INSM2: variants seen among roughly 807,000 people sequenced by gnomAD.
The protein encoded by INSM2 is insulinoma-associated protein 2.
INSM2 carries 12 observed loss-of-function variants against 30.5 expected under a neutral mutation model. The ratio of observed to expected loss-of-function variants is 0.39; its 90% confidence interval spans 0.25 to 0.64. The LOEUF is 0.64. INSM2 is among the 30% of genes least tolerant of loss of function. INSM2 has a pLI of 0.47. For missense variants in INSM2, 773 were observed against 819.2 expected (o/e 0.94, Z 0.69); for synonymous variants, 418 against 383.7 (o/e 1.09, Z -1.05).
chr14:35,535,337 C>G lies in INSM2; in HGVS notation c.1085C>G (p.Thr362Ser), dbSNP rs781036430. ...AAGGAGAACAGCCGAATAGAGCGGACTGCGGATCAGCACCCGCAGGCCAGG... is the reference window on the plus strand; with the variant it reads ...AAGGAGAACAGCCGAATAGAGCGGAGTGCGGATCAGCACCCGCAGGCCAGG... ...EGKENSRIER[T>S]ADQHPQARDS... is the part of the protein sequence containing the mutation. The change falls in exon 1 of 1, where the codon ACT (threonine) becomes AGT (serine). Residue 362 changes from threonine to serine, a missense_variant. Thr to Ser is a moderately conservative substitution (Grantham distance 58). Transcript: ENST00000307169. 105 of 1,610,522 alleles carry G rather than the reference C, an allele frequency of 6.5e-5. No homozygotes were observed. The highest frequency in any genetic ancestry group is 8.6e-5 in the Non-Finnish European group (101 of 1,178,358).
chr14:35,536,356 T>C lies in INSM2; in HGVS notation c.*403T>C. 1 of 182,712 alleles carries C rather than the reference T, an allele frequency of 5.5e-6. No individual in the cohort carries two copies. Among genetic ancestry groups the C allele is most frequent in the Non-Finnish European group, 1.3e-5 (1 of 79,260 alleles). The allele number at this position is 182,712 out of a possible 1,614,324, so 11.3% of individuals were successfully genotyped here. ...TACCCTTTGGTAGCCAATGTTTTTT[T>C]TGTCTTGTCATCACAGGCGCCTATA... On this transcript the variant is annotated 3_prime_UTR_variant, in exon 1 of 1. Coordinates refer to ENST00000307169, the MANE Select transcript of INSM2 (RefSeq NM_032594.4).
At position 35,535,494 on chromosome 14, in the gene INSM2, G is replaced by A; in HGVS notation, c.1242G>A (p.Pro414=). The part of the protein sequence containing the change: ...EGVLGRRVPV[P]GSTSGGRGSE... ...TGTTGGGGCGCCGGGTACCTGTGCC[G>A]GGCAGTACCAGTGGTGGCAGGGGAT... Residue 414 remains proline, a synonymous_variant, in exon 1 of 1, where the codon CCG becomes CCA. Transcript: ENST00000307169. The A allele has an allele frequency of 6.2e-7, 1 of 1,613,270 alleles. No individual in the cohort carries two copies. The highest frequency in any genetic ancestry group is 8.5e-7 in the Non-Finnish European group (1 of 1,179,974).
In INSM2 at chr14:35,534,412, C is replaced by T. The variant is rs144835486; in HGVS notation, c.160C>T (p.Pro54Ser). ...ASLPGAERAT[P>S]PTREEPGKGL... ...CTTGCCCGGCGCGGAGCGGGCGACA[C>T]CCCCCACCCGAGAGGAACCAGGAAA... is the stretch of plus-strand genomic sequence containing the variant. The change falls in exon 1 of 1, where the codon CCC becomes TCC. Residue 54 changes from proline to serine, a missense_variant. Physicochemically the swap from Pro to Ser is moderately conservative, Grantham distance 74. Coordinates refer to ENST00000307169, the MANE Select transcript of INSM2 (RefSeq NM_032594.4). 42,179 of 1,507,866 alleles carry T rather than the reference C, an allele frequency of 0.028. 734 individuals carry two copies. Among genetic ancestry groups the T allele is most frequent in the Non-Finnish European group, 0.033 (37,833 of 1,135,086 alleles). The allele number at this position is 1,507,866 out of a possible 1,614,324, so 93.4% of individuals were successfully genotyped here.
Position 35,535,483 on chromosome 14 carries a change from G to A in INSM2, c.1231G>A (p.Val411Ile), listed in dbSNP as rs995325222. The change falls in exon 1 of 1, where the codon GTA becomes ATA. Residue 411 changes from valine to isoleucine, a missense_variant. Physicochemically the swap from Val to Ile is conservative, Grantham distance 29. Coordinates refer to ENST00000307169, the MANE Select transcript of INSM2 (RefSeq NM_032594.4). ...CACGGAGGGGGTGTTGGGGCGCCGG[G>A]TACCTGTGCCGGGCAGTACCAGTGG... ...PYTEGVLGRR[V>I]PVPGSTSGGR... The A allele has an allele frequency of 6.2e-7, 1 of 1,613,126 alleles. No individual in the cohort carries two copies. Among genetic ancestry groups the A allele is most frequent in the Non-Finnish European group, 8.5e-7 (1 of 1,179,980 alleles).
Position 35,535,527 on chromosome 14 carries a change from T to G in INSM2, c.1275T>G (p.Ile425Met). The change falls in exon 1 of 1, where the codon ATT (isoleucine) becomes ATG (methionine). Residue 425 changes from isoleucine to methionine, a missense_variant. Ile to Met is a conservative substitution (Grantham distance 10). Coordinates refer to ENST00000307169, the MANE Select transcript of INSM2 (RefSeq NM_032594.4). ...CCAGTGGTGGCAGGGGATCCGAGAT[T>G]TTCGTGTGCCCATATTGCCACAAAA... ...GSTSGGRGSE[I>M]FVCPYCHKKF... The G allele has an allele frequency of 1.2e-6, 2 of 1,613,238 alleles. No homozygotes were observed. The highest frequency in any genetic ancestry group is 1.7e-6 in the Non-Finnish European group (2 of 1,179,954).
chr14:35,535,756 G>A lies in INSM2; in HGVS notation c.1504G>A (p.Ala502Thr), dbSNP rs1014890945. 1.9e-6 allele frequency: 3 copies of A among 1,613,302 alleles called. No homozygotes were observed. Among genetic ancestry groups the A allele is most frequent in the Non-Finnish European group, 2.5e-6 (3 of 1,179,928 alleles). ...TGTCCGCGAGGAGCTGCTCCTGCCCGCTCTGGCGGGGGCTCCTCCCGAAAC... is the reference window on the plus strand; with the variant it reads ...TGTCCGCGAGGAGCTGCTCCTGCCCACTCTGGCGGGGGCTCCTCCCGAAAC... ...HAVREELLLP[A>T]LAGAPPETSG... Residue 502 changes from alanine (A) to threonine (T), a missense_variant, in exon 1 of 1, where the codon GCT (alanine) becomes ACT (threonine). Transcript: ENST00000307169.
Position 35,535,114 on chromosome 14 carries a change from C to T in INSM2, c.862C>T (p.Arg288Cys). The T allele has an allele frequency of 6.2e-7, 1 of 1,606,170 alleles. No homozygotes were observed. Among genetic ancestry groups the T allele is most frequent in the South Asian group, 1.1e-5 (1 of 90,046 alleles). The change falls in exon 1 of 1, where the codon CGC becomes TGC. Residue 288 changes from arginine to cysteine, a missense_variant. Coordinates refer to ENST00000307169, the MANE Select transcript of INSM2 (RefSeq NM_032594.4). ...LAQHRCSRIV[R>C]VEYRCPECDK... is the part of the protein sequence containing the mutation. ...CCAGCACCGCTGCTCCCGCATCGTG[C>T]GCGTAGAGTACCGCTGCCCTGAGTG...
Position 35,534,992 on chromosome 14 carries a change from G to C in INSM2, c.740G>C (p.Gly247Ala). 6.4e-7 allele frequency: 1 copy of C among 1,564,898 alleles called. No individual in the cohort carries two copies. The highest frequency in any genetic ancestry group is 2.3e-5 in the East Asian group (1 of 44,336). The change falls in exon 1 of 1, where the codon GGA becomes GCA. Residue 247 changes from glycine to alanine, a missense_variant. Coordinates refer to ENST00000307169, the MANE Select transcript of INSM2 (RefSeq NM_032594.4). ...CTGAAGATCAAGGAGGAGGAGCCCG[G>C]AGCGCCGTCCCGGGGCTTGGGGGGC... Reference protein sequence around the residue: ...LGLKIKEEEPGAPSRGLGGSR... With the variant: ...LGLKIKEEEPAAPSRGLGGSR...
In INSM2 at chr14:35,534,930, C is replaced by G. The variant is rs138985205; in HGVS notation, c.678C>G (p.Ser226Arg). The G allele has an allele frequency of 6.3e-7, 1 of 1,592,080 alleles. No homozygotes were observed. Among genetic ancestry groups the G allele is most frequent in the Non-Finnish European group, 8.5e-7 (1 of 1,171,560 alleles). ...IKKPKAMRKL[S>R]FADEVTTSPV... ...AGCCAAAGGCCATGAGGAAGTTGAG[C>G]TTTGCCGATGAGGTGACCACATCCC... Residue 226 changes from serine to arginine, a missense_variant, in exon 1 of 1, where the codon AGC becomes AGG. Coordinates refer to ENST00000307169, the MANE Select transcript of INSM2 (RefSeq NM_032594.4).
Position 35,536,142 on chromosome 14 carries a change from C to A in INSM2, c.*189C>A. ...TGAAATGTAATATCCCTCTCTAGAG[C>A]AGGTATGTATATGGTATAAACCTTG... is the stretch of plus-strand genomic sequence containing the variant. On this transcript the variant is annotated 3_prime_UTR_variant, in exon 1 of 1. Transcript: ENST00000307169. 1 of 654,828 alleles carries A rather than the reference C, an allele frequency of 1.5e-6. No individual in the cohort carries two copies. Among genetic ancestry groups the A allele is most frequent in the South Asian group, 2.0e-5 (1 of 48,876 alleles). The allele number at this position is 654,828 out of a possible 1,614,324, so 40.6% of individuals were successfully genotyped here.
At position 35,534,458 on chromosome 14, in the gene INSM2, C is replaced by A; in HGVS notation, c.206C>A (p.Ala69Asp). Reference sequence around the variant, plus strand: ...GGAAAGGGGTTGACGGCGGAGGCGGCCCGGGAACAGTCGGGGTCGCCATGT... The same window carrying A: ...GGAAAGGGGTTGACGGCGGAGGCGGACCGGGAACAGTCGGGGTCGCCATGT... ...EPGKGLTAEA[A>D]REQSGSPCRA... The change falls in exon 1 of 1, where the codon GCC becomes GAC. Residue 69 changes from alanine (A) to aspartate (D), a missense_variant. Ala to Asp is a moderately radical substitution (Grantham distance 126). Coordinates refer to ENST00000307169, the MANE Select transcript of INSM2 (RefSeq NM_032594.4). The A allele has an allele frequency of 2.7e-6, 4 of 1,463,156 alleles. No individual in the cohort carries two copies. The highest frequency in any genetic ancestry group is 3.6e-6 in the Non-Finnish European group (4 of 1,112,474). 90.6% of individuals were successfully genotyped at this position (1,463,156 alleles called of 1,614,324 possible).
Position 35,534,706 on chromosome 14 carries a change from G to C in INSM2, c.454G>C (p.Val152Leu). 1 of 1,397,848 alleles carries C rather than the reference G, an allele frequency of 7.2e-7. No homozygotes were observed. Among genetic ancestry groups the C allele is most frequent in the South Asian group, 1.6e-5 (1 of 61,490 alleles). The allele number at this position is 1,397,848 out of a possible 1,614,324, so 86.6% of individuals were successfully genotyped here. Residue 152 changes from valine to leucine, a missense_variant, in exon 1 of 1, where the codon GTG becomes CTG. Physicochemically the swap from Val to Leu is conservative, Grantham distance 32. Transcript: ENST00000307169. ...CGCCGTGGCCGCTTTCTCCTGCTCC[G>C]TGGCGCCAGCAGCCGCACCGACCCC... ...AAAVAAFSCS[V>L]APAAAPTPGE...
At position 35,535,101 on chromosome 14, in the gene INSM2, C is replaced by G; in HGVS notation, c.849C>G (p.Cys283Trp). The G allele has an allele frequency of 6.2e-7, 1 of 1,604,376 alleles. No homozygotes were observed. The highest frequency in any genetic ancestry group is 1.3e-5 in the African/African-American group (1 of 74,848). Residue 283 changes from cysteine (C) to tryptophan (W), a missense_variant, in exon 1 of 1, where the codon TGC becomes TGG. Physicochemically the swap from Cys to Trp is radical, Grantham distance 215. Transcript: ENST00000307169. ...CCTTCGCGCTGGCCCAGCACCGCTG[C>G]TCCCGCATCGTGCGCGTAGAGTACC... ...ADPFALAQHRCSRIVRVEYRC... is the reference protein window; with the variant it reads ...ADPFALAQHRWSRIVRVEYRC...
At position 35,536,019 on chromosome 14, in the gene INSM2, G is replaced by A; in HGVS notation, c.*66G>A. 6.6e-7 allele frequency: 1 copy of A among 1,506,866 alleles called. No individual in the cohort carries two copies. The highest frequency in any genetic ancestry group is 1.3e-5 in the South Asian group (1 of 74,896). The allele number at this position is 1,506,866 out of a possible 1,614,324, so 93.3% of individuals were successfully genotyped here. Reference sequence around the variant, plus strand: ...GAAACAGATCATGGGAATTTCTGTGGGGCTTTCTTCAACTTGCAAGTTTAC... The same window carrying A: ...GAAACAGATCATGGGAATTTCTGTGAGGCTTTCTTCAACTTGCAAGTTTAC... On this transcript the variant is annotated 3_prime_UTR_variant, in exon 1 of 1. Transcript: ENST00000307169.
In INSM2 at chr14:35,534,658, G is replaced by A. The variant is rs777998832; in HGVS notation, c.406G>A (p.Glu136Lys). The A allele has an allele frequency of 2.8e-6, 4 of 1,412,872 alleles. No individual in the cohort carries two copies. Among genetic ancestry groups the A allele is most frequent in the Non-Finnish European group, 2.7e-6 (3 of 1,096,452 alleles). 87.5% of individuals were successfully genotyped at this position (1,412,872 alleles called of 1,614,324 possible). ...CTGCCTCAGCTCGCCCGTCTCCGCC[G>A]AGTCTTTCCCCGGGGGCGCCGCCGC... ...ERCLSSPVSA[E>K]SFPGGAAAVA... is the part of the protein sequence containing the mutation. Residue 136 changes from glutamate to lysine, a missense_variant, in exon 1 of 1, where the codon GAG becomes AAG. Coordinates refer to ENST00000307169, the MANE Select transcript of INSM2 (RefSeq NM_032594.4).
In INSM2 at chr14:35,534,581, C is replaced by G; in HGVS notation, c.329C>G (p.Pro110Arg). The G allele has an allele frequency of 1.4e-6, 2 of 1,435,292 alleles. No homozygotes were observed. Among genetic ancestry groups the G allele is most frequent in the Non-Finnish European group, 1.8e-6 (2 of 1,104,416 alleles). 88.9% of individuals were successfully genotyped at this position (1,435,292 alleles called of 1,614,324 possible). A position where few individuals can be genotyped will look rare whatever the true frequency, so the allele number is the denominator to read the frequency against. ...CCCGGGCCCAGCCCCAGCCCCAGCC[C>G]CAGTCCAGCGAAGCCGGCAGGCGCA... ...EGPGPSPSPS[P>R]SPAKPAGAEL... The change falls in exon 1 of 1, where the codon CCC (proline) becomes CGC (arginine). Residue 110 changes from proline to arginine, a missense_variant. Coordinates refer to ENST00000307169, the MANE Select transcript of INSM2 (RefSeq NM_032594.4).
chr14:35,535,717 C>T lies in INSM2; in HGVS notation c.1465C>T (p.Arg489Trp). 6.2e-7 allele frequency: 1 copy of T among 1,613,372 alleles called. No individual in the cohort carries two copies. The highest frequency in any genetic ancestry group is 8.5e-7 in the Non-Finnish European group (1 of 1,179,988). ...TACAGCAGATATCAGGGAGAAGCAC[C>T]GGCTGTGGCATGCTGTCCGCGAGGA... Reference protein sequence around the residue: ...FPTADIREKHRLWHAVREELL... With the variant: ...FPTADIREKHWLWHAVREELL... The change falls in exon 1 of 1, where the codon CGG (arginine) becomes TGG (tryptophan). Residue 489 changes from arginine (R) to tryptophan (W), a missense_variant. Coordinates refer to ENST00000307169, the MANE Select transcript of INSM2 (RefSeq NM_032594.4).
chr14:35,534,836 C>A lies in INSM2; in HGVS notation c.584C>A (p.Ala195Asp). ...GCCCTTCAGAGTCTGAAGCGGGCGGCCGGCGGCGAGCGCCGCGGCAAGGCA... is the reference window on the plus strand; with the variant it reads ...GCCCTTCAGAGTCTGAAGCGGGCGGACGGCGGCGAGCGCCGCGGCAAGGCA... ...SAALQSLKRA[A>D]GGERRGKAPT... is the part of the protein sequence containing the mutation. The change falls in exon 1 of 1, where the codon GCC (alanine) becomes GAC (aspartate). Residue 195 changes from alanine to aspartate, a missense_variant. Transcript: ENST00000307169. 1 of 1,519,232 alleles carries A rather than the reference C, an allele frequency of 6.6e-7. No homozygotes were observed. The highest frequency in any genetic ancestry group is 1.3e-5 in the South Asian group (1 of 79,042). The allele number at this position is 1,519,232 out of a possible 1,614,324, so 94.1% of individuals were successfully genotyped here.
In INSM2 at chr14:35,535,849, A is replaced by AGGGCCCGTC; in HGVS notation, c.1597_1598insGGGCCCGTC (p.Thr533delinsArgAlaArgPro). ...TTTCTCGTGCAAGCACTGCCCGTCC[A>AGGGCCCGTC]CTTTTTTTAGCTCTCCAGGGCTGAC... On this transcript the variant is annotated protein_altering_variant, in exon 1 of 1. Transcript: ENST00000307169. 1 of 1,614,096 alleles carries AGGGCCCGTC rather than the reference A, an allele frequency of 6.2e-7. No homozygotes were observed. Among genetic ancestry groups the AGGGCCCGTC allele is most frequent in the Non-Finnish European group, 8.5e-7 (1 of 1,180,040 alleles).
Sources: gnomAD v4.1 joint callset for allele counts on GRCh38, gnomAD v4.1.1 for gene constraint, MANE v1.5 for transcripts, NCBI Gene and HGNC (gene_info 2026-07-23, HGNC 2026-07-21) for gene names.